Variants in DHX57 observed in about 807,000 individuals in gnomAD.
DHX57 encodes putative ATP-dependent RNA helicase DHX57.
A neutral mutation model predicts 156.2 loss-of-function variants in DHX57; 105 were observed. The ratio of observed to expected loss-of-function variants is 0.67; its 90% CI spans 0.57 to 0.79. The LOEUF is 0.79. Ranked by LOEUF, DHX57 falls within the 30% of genes least tolerant of loss-of-function variation. The probability of loss-of-function intolerance (pLI) is 0.00; values close to 1 mark genes in which losing one functional copy is unlikely to be tolerated. For missense variants in DHX57, 1,847 were observed against 1,661.9 expected (o/e 1.11, Z -1.94); for synonymous variants, 704 against 595.6 (o/e 1.18, Z -2.65).
rs537266719 is a variant in DHX57 at position 38,850,268 on chromosome 2, T to G, written c.2031-1866A>C. Among the ~76,000 whole-genome samples, 6 of 152,274 alleles carry G rather than the reference T, an allele frequency of 3.9e-5. 1 individual carries two copies. The South Asian group carries it at 1.2e-3, about 32-fold the overall frequency. The stretch of plus-strand genomic sequence containing the variant: ...TGGGAGTAGTAAGAGGGACTTTCAC[T>G]TTATCTATAACGTTTTTCTTACCTT... On this transcript the variant is annotated intron_variant, in intron 9 of 23. Coordinates refer to ENST00000457308, the MANE Select transcript of DHX57 (RefSeq NM_198963.3).
intron 2 of DHX57, 71 bp from the exon 3 acceptor site, chr2:38,863,590 C>G (rs1018137204): frequency 1.4e-6 from 2 of 1,414,160 alleles, no homozygotes; most frequent in East Asian, 2.3e-5. Context: ...CTCAGGGGTC[C>G]CCAGATATAC....
chr2:38,805,888 G>A (rs187962015), intron 22 of DHX57, among the ~76,000 whole-genome samples: 17 of 152,266 alleles, frequency 1.1e-4, no homozygotes, highest in African/African-American at 3.4e-4. Context: ...TGTAAGTGCT[G>A]TTGTGCCTTT....
intron 10 of DHX57, among the ~76,000 whole-genome samples, chr2:38,847,395 T>C (rs143854487): frequency 8.6e-4 from 131 of 152,336 alleles, no homozygotes; most frequent in Non-Finnish European, 9.4e-4. Context: ...AACAGTTGTA[T>C]TCTAGATCAA....
Position 38,855,048 on chromosome 2 carries a change from C to A in DHX57, c.1905+9G>T. 6.2e-7 allele frequency: 1 copy of A among 1,614,100 alleles called. No individual in the cohort carries two copies. On this transcript the variant is annotated intron_variant, in intron 8 of 23. Transcript: ENST00000457308. ...TTCTGTTACCAGGAAATAAGCAGAG[C>A]ATACAAACCTTGACACTTTCTAACC...
intron 19 of DHX57, among the ~76,000 whole-genome samples, chr2:38,816,823 A>G (rs1201521038): frequency 6.6e-6 from 1 of 152,144 alleles, no homozygotes; most frequent in Non-Finnish European, 1.5e-5. Flanking sequence ...CAATCCTACA[A>G]TCTAAGTTGA....
chr2:38,845,784 T>C (rs146700483), intron 11 of DHX57, among the ~76,000 whole-genome samples: 3 of 152,258 alleles, frequency 2.0e-5, no homozygotes, highest in East Asian at 1.9e-4. Context: ...CACTTACAAT[T>C]GTTTATACAG....
intron 9 of DHX57, among the ~76,000 whole-genome samples, chr2:38,850,729 G>C (rs1672542680): frequency 6.6e-6 from 1 of 152,068 alleles, no homozygotes; most frequent in South Asian, 2.1e-4. Context: ...AAATGGTTAA[G>C]TAATTTATGG....
At chr2:38,811,243 G>T in intron 21 of DHX57, 2 of 504,420 alleles carry the variant, frequency 4.0e-6, no homozygotes, top group East Asian at 4.7e-5. Flanking sequence ...GGATCCTCCC[G>T]GGAGCAATGA....
At chr2:38,862,867 C>T (rs1319704345) in intron 3 of DHX57, 2 of 155,604 alleles carry the variant, frequency 1.3e-5, no homozygotes, top group African/African-American at 4.8e-5. Context: ...TGACTGGCCA[C>T]TAATTAATTT....
rs1402264920 is a variant in DHX57 at position 38,868,297 on chromosome 2, C to T, written c.109G>A (p.Gly37Ser). 1 of 1,613,976 alleles carries T rather than the reference C, an allele frequency of 6.2e-7. No homozygotes were observed. Among genetic ancestry groups the T allele is most frequent in the Non-Finnish European group, 8.5e-7 (1 of 1,180,054 alleles). ...RSHASKSHGS[G>S]GGGGGGGGGG... ...CCACCACCACCACCGCCACCGCCACCACTCCCATGAGATTTACTGGCGTGA... is the reference window on the plus strand; with the variant it reads ...CCACCACCACCACCGCCACCGCCACTACTCCCATGAGATTTACTGGCGTGA... The change falls in exon 2 of 24, where the codon GGT (glycine) becomes AGT (serine). Residue 37 changes from glycine to serine, a missense_variant. Transcript: ENST00000457308.
chr2:38,811,406 C>G, intron 21 of DHX57: 1 of 573,586 alleles, frequency 1.7e-6, no homozygotes, highest in Non-Finnish European at 3.4e-6. Flanking sequence ...AAGAGAGGGG[C>G]CCAGGAGGTA....
chr2:38,860,411 T>G (rs1168356576), intron 5 of DHX57, among the ~76,000 whole-genome samples: 38 of 152,048 alleles, frequency 2.5e-4, no homozygotes, highest in South Asian at 2.1e-4. Flanking sequence ...ATCATACCAC[T>G]GCACTCCAGC....
chr2:38,824,333 T>C (rs1046072056), intron 16 of DHX57, among the ~76,000 whole-genome samples: 1 of 152,144 alleles, frequency 6.6e-6, no homozygotes, highest in African/African-American at 2.4e-5. Context: ...CAGAGTGGAA[T>C]GGTTGCCAGG....
At chr2:38,810,859 A>C in intron 21 of DHX57, 1 of 742,058 alleles carries the variant, frequency 1.3e-6, no homozygotes, top group Non-Finnish European at 2.4e-6. Flanking sequence ...CATTTCAATG[A>C]AGCGGTTCTC....
chr2:38,816,107 T>A (rs1670534469), intron 19 of DHX57: 1 of 471,674 alleles, frequency 2.1e-6, no homozygotes, highest in Non-Finnish European at 4.4e-6. Context: ...AGGCCTAGAG[T>A]GGTTCGTGCT....
Position 38,825,923 on chromosome 2 carries a change from G to C in DHX57, c.2938C>G (p.His980Asp). 6.2e-7 allele frequency: 1 copy of C among 1,614,168 alleles called. No homozygotes were observed. The highest frequency in any genetic ancestry group is 8.5e-7 in the Non-Finnish European group (1 of 1,180,026). The change falls in exon 16 of 24, where the codon CAT becomes GAT. Residue 980 changes from histidine (H) to aspartate (D), a missense_variant. Physicochemically the swap from His to Asp is moderately conservative, Grantham distance 81 (BLOSUM62 -1). Transcript: ENST00000457308. The stretch of plus-strand genomic sequence containing the variant: ...TTTAAAAGCTGGTGATTGTAGTGAT[G>C]GCTAGTGAATAAATGGAAGCAGACC... ...SGVCFHLFTS[H>D]HYNHQLLKQQ... is the part of the protein sequence containing the mutation.
chr2:38,871,250 G>T (rs998941896), intron 1 of DHX57, among the ~76,000 whole-genome samples: 2 of 152,120 alleles, frequency 1.3e-5, no homozygotes, highest in African/African-American at 2.4e-5. Context: ...ATATGTATAT[G>T]ATATAATGTT....
At chr2:38,820,435 G>A (rs139499286) in intron 17 of DHX57, among the ~76,000 whole-genome samples, 3 of 151,648 alleles carry the variant, frequency 2.0e-5, no homozygotes, top group African/African-American at 4.8e-5. Context: ...AGACATCAAC[G>A]TCTCTAATGA....
intron 14 of DHX57, among the ~76,000 whole-genome samples, chr2:38,827,506 ATATAT>A (rs1213715802): frequency 2.9e-4 from 9 of 30,670 alleles, no homozygotes; most frequent in African/African-American, 1.2e-3. Context: ...AAAAAAAAAA[ATATAT>A]ATATATATAT....
Sources: gnomAD v4.1 joint callset for allele counts (sites outside exome capture counted in the v4.1 genomes callset) on GRCh38, gnomAD v4.1.1 for gene constraint, MANE v1.5 for transcripts, NCBI Gene and HGNC (gene_info 2026-07-23, HGNC 2026-07-21) for gene names.